The following XRN1 variants were observed in gnomAD, a reference collection of about 807,000 sequenced individuals.
The protein encoded by XRN1 is strand-exchange protein 1 homolog.
In XRN1, 67 loss-of-function variants were observed where a neutral mutation model predicts 222.3. The ratio of observed to expected loss-of-function variants is 0.30; its 90% CI spans 0.25 to 0.37. The LOEUF (loss-of-function observed/expected upper bound fraction) is 0.37. Ranked by LOEUF, XRN1 falls within the 10% of genes least tolerant of loss-of-function variation. The probability of loss-of-function intolerance (pLI) is 1.00; values close to 1 mark genes in which losing one functional copy is unlikely to be tolerated. For missense variants in XRN1, 1,707 were observed against 2,000.2 expected (o/e 0.85, Z 2.80); for synonymous variants, 643 against 652.4 (o/e 0.99, Z 0.22).
chr3:142,401,452 C>T (rs1232188758), intron 18 of XRN1, among the ~76,000 whole-genome samples: 4 of 152,126 alleles, frequency 2.6e-5, no homozygotes, highest in Admixed American at 6.6e-5. Flanking sequence ...CTGTGGCTCA[C>T]GCCTGTAATC....
At chr3:142,349,111 C>G (rs1172302272) in intron 32 of XRN1, among the ~76,000 whole-genome samples, 1 of 151,638 alleles carries the variant, frequency 6.6e-6, no homozygotes, top group African/African-American at 2.4e-5. Context: ...TGCCACTATG[C>G]CTGGCTAATT....
rs764919998 is a variant in XRN1 at position 142,421,001 on chromosome 3, T to TA, written c.1173+14dup. ...ACAGTTAAAACAATGAAAGGACACC[T>TA]AAAAAAATAGACACCTTTAACTTTT... is the stretch of plus-strand genomic sequence containing the variant. On this transcript the variant is annotated intron_variant, in intron 10 of 40. Transcript: ENST00000392981. 1.4e-5 allele frequency: 22 copies of TA among 1,612,992 alleles called. No individual in the cohort carries two copies. The African/African-American group carries it at 1.5e-4, about 11-fold the overall frequency.
chr3:142,379,957 GGAGA>G (rs2067253429), intron 23 of XRN1, 121 bp downstream of exon 23: 11 of 718,532 alleles, frequency 1.5e-5, no homozygotes, highest in Non-Finnish European at 2.4e-5. Flanking sequence ...GATGCAACTG[GGAGA>G]GAGAATCTAA....
In XRN1 at chr3:142,318,639, G is replaced by A. The variant is rs759670915; in HGVS notation, c.4574C>T (p.Ser1525Leu). 1 of 1,609,846 alleles carries A rather than the reference G, an allele frequency of 6.2e-7. No individual in the cohort carries two copies. The highest frequency in any genetic ancestry group is 1.1e-5 in the South Asian group (1 of 89,756). ...LPSQVFANYP[S>L]AVPPGTIPPA... ...AGGAATGGTTCCAGGTGGTACAGCT[G>A]AAGGATAATTTGCAAATACTTGTGA... The change falls in exon 39 of 41, where the codon TCA becomes TTA. Residue 1525 changes from serine to leucine, a missense_variant. Ser to Leu is a moderately radical substitution (Grantham distance 145, BLOSUM62 -2). Transcript: ENST00000392981.
intron 9 of XRN1, 143 bp from the exon 10 acceptor site, chr3:142,421,296 T>A: frequency 1.0e-6 from 1 of 978,226 alleles, no homozygotes; most frequent in Non-Finnish European, 1.4e-6. Context: ...ACCTCATGTG[T>A]TACTCTAAAA....
At chr3:142,371,166 G>T in intron 26 of XRN1, 73 bp downstream of exon 26, 41 of 1,088,262 alleles carry the variant, frequency 3.8e-5, no homozygotes, top group Non-Finnish European at 4.8e-5. Flanking sequence ...AAATTCTTGA[G>T]AAACCAGCTG....
chr3:142,423,874 T>C (rs890576936), intron 5 of XRN1, among the ~76,000 whole-genome samples: 7 of 152,140 alleles, frequency 4.6e-5, no homozygotes, highest in Non-Finnish European at 1.0e-4. Flanking sequence ...CATTACCCTA[T>C]CCCCTGTCCC....
Position 142,445,000 on chromosome 3 carries a change from A to G in XRN1, c.75+2870T>C, listed in dbSNP as rs112973732. Reference sequence around the variant, plus strand: ...CTCAAAAAATATTTACTGAGTACCCATTCTGTTATGCTGCTTTGGTTTTTT... The same window carrying G: ...CTCAAAAAATATTTACTGAGTACCCGTTCTGTTATGCTGCTTTGGTTTTTT... On this transcript the variant is annotated intron_variant, in intron 1 of 40. Transcript: ENST00000392981. 5.1e-3 allele frequency among the ~76,000 whole-genome samples: 780 copies of G among 152,294 alleles called. 9 individuals carry two copies. The highest frequency in any genetic ancestry group is 0.018 in the African/African-American group (758 of 41,564).
At chr3:142,431,911 TAAA>T (rs1396458529) in intron 2 of XRN1, among the ~76,000 whole-genome samples, 27 of 27,168 alleles carry the variant, frequency 9.9e-4, no homozygotes, top group South Asian at 2.1e-3. Context: ...ATTATATATA[TAAA>T]TATATATAAT....
chr3:142,447,715 G>A lies in XRN1; in HGVS notation c.75+155C>T, dbSNP rs1025900732. 3.3e-5 allele frequency among the ~76,000 whole-genome samples: 5 copies of A among 152,092 alleles called. No individual in the cohort carries two copies. Among genetic ancestry groups the A allele is most frequent in the African/African-American group, 1.2e-4 (5 of 41,404 alleles). On this transcript the variant is annotated intron_variant, in intron 1 of 40. Transcript: ENST00000392981. The surrounding 1 kb of genome is among the most constrained non-coding windows in gnomAD (Gnocchi z 4.2). ...GTCCTTAGCCCCTTTCGGCTCATCC[G>A]GGCGTCCTCAAACCTTCCGTCCCCC...
chr3:142,311,840 T>C, intron 40 of XRN1, 27 bp from the exon 41 acceptor site: 2 of 1,533,966 alleles, frequency 1.3e-6, no homozygotes, highest in Non-Finnish European at 1.7e-6. Flanking sequence ...CATCACTAAT[T>C]AATAATGTAG....
At chr3:142,418,652 T>C (rs377118772) in intron 11 of XRN1, 43 bp from the exon 12 acceptor site, 2 of 1,506,922 alleles carry the variant, frequency 1.3e-6, no homozygotes, top group Non-Finnish European at 1.8e-6. Flanking sequence ...CAATTATGAA[T>C]AGCCTGTTTT....
At chr3:142,444,328 C>G (rs2070396253) in intron 1 of XRN1, among the ~76,000 whole-genome samples, 1 of 152,174 alleles carries the variant, frequency 6.6e-6, no homozygotes, top group African/African-American at 2.4e-5. Flanking sequence ...AAAACACAGG[C>G]CAGGCACGGT....
chr3:142,412,932 T>C (rs988707499), intron 14 of XRN1, among the ~76,000 whole-genome samples: 3 of 152,188 alleles, frequency 2.0e-5, no homozygotes, highest in Non-Finnish European at 2.9e-5. Context: ...TCATTTTAAA[T>C]TATTTTTTCT....
chr3:142,437,130 C>T (rs917024527), intron 1 of XRN1, among the ~76,000 whole-genome samples: 2 of 152,142 alleles, frequency 1.3e-5, no homozygotes, highest in Non-Finnish European at 2.9e-5. Context: ...GAACTTTGCT[C>T]CCATACAAAG....
chr3:142,387,983 CAT>C, intron 20 of XRN1, among the ~76,000 whole-genome samples: 1 of 152,198 alleles, frequency 6.6e-6, no homozygotes, highest in East Asian at 1.9e-4. Flanking sequence ...TTACCAGAAA[CAT>C]ATGCTGATGC....
chr3:142,403,023 A>G (rs2068204699), intron 18 of XRN1, among the ~76,000 whole-genome samples: 1 of 152,180 alleles, frequency 6.6e-6, no homozygotes, highest in Non-Finnish European at 1.5e-5. Flanking sequence ...TTAGTTTATT[A>G]TACTGCCACC....
At chr3:142,390,156 C>G (rs529160730) in intron 20 of XRN1, among the ~76,000 whole-genome samples, 1 of 152,310 alleles carries the variant, frequency 6.6e-6, no homozygotes, top group South Asian at 2.1e-4. Flanking sequence ...TTCTTAAAGG[C>G]CCCAGGATTT....
At chr3:142,339,837 C>T (rs1386579744) in intron 33 of XRN1, among the ~76,000 whole-genome samples, 1 of 152,026 alleles carries the variant, frequency 6.6e-6, no homozygotes, top group African/African-American at 2.4e-5. Context: ...AACAAAATCC[C>T]CAAATAGCTG....
Sources: gnomAD v4.1 joint callset for allele counts (sites outside exome capture counted in the v4.1 genomes callset) on GRCh38, gnomAD v4.1.1 for gene constraint, Gnocchi (gnomAD v3.1) non-coding constraint, MANE v1.5 for transcripts, NCBI Gene and HGNC (gene_info 2026-07-23, HGNC 2026-07-21) for gene names.